SPTLC3: variants seen among roughly 807,000 people sequenced by gnomAD.
SPTLC3 encodes the protein serine palmitoyltransferase 3.
In SPTLC3, 36 loss-of-function variants were observed where a neutral mutation model predicts 59.3. The observed-to-expected ratio is 0.61, with a 90% CI of 0.47 to 0.80. The LOEUF (loss-of-function observed/expected upper bound fraction) is 0.80. Ranked by LOEUF, SPTLC3 falls within the 30% of genes least tolerant of loss-of-function variation. The pLI is 0.00. For missense variants in SPTLC3, 625 were observed against 685.1 expected (o/e 0.91, Z 0.98); for synonymous variants, 257 against 240.8 (o/e 1.07, Z -0.62).
intron 1 of SPTLC3, among the ~76,000 whole-genome samples, chr20:13,028,275 G>A (rs1986256723): frequency 6.6e-6 from 1 of 152,088 alleles, no homozygotes; most frequent in South Asian, 2.1e-4. Context: ...TTTCTCAACA[G>A]GACCAGAAGT....
intron 2 of SPTLC3, among the ~76,000 whole-genome samples, chr20:13,071,415 T>A (rs1424970109): frequency 6.6e-6 from 1 of 152,178 alleles, no homozygotes; most frequent in Non-Finnish European, 1.5e-5. Flanking sequence ...AAAAATTAAT[T>A]TGATGAATCT....
intron 9 of SPTLC3, among the ~76,000 whole-genome samples, chr20:13,132,446 G>A (rs949160879): frequency 6.6e-6 from 1 of 151,964 alleles, no homozygotes; most frequent in African/African-American, 2.4e-5. Flanking sequence ...CAAAGTACTG[G>A]GATTACAGGC....
chr20:13,164,227 T>C, intron 11 of SPTLC3: 2 of 402,648 alleles, frequency 5.0e-6, no homozygotes, highest in Middle Eastern at 3.7e-4. Context: ...TCTCAGTCCC[T>C]GTGAGTTAAG....
chr20:13,060,719 G>C (rs34424433), intron 2 of SPTLC3, among the ~76,000 whole-genome samples: 61,676 of 150,352 alleles, frequency 0.41, 12,675 homozygotes, highest in Middle Eastern at 0.57. Flanking sequence ...CTTTCTGTGT[G>C]TGAGTTGTTT....
intron 2 of SPTLC3, among the ~76,000 whole-genome samples, chr20:13,069,144 C>A (rs145696073): frequency 1.3e-5 from 2 of 152,306 alleles, no homozygotes; most frequent in African/African-American, 4.8e-5. Context: ...TATAGTCTGG[C>A]AACCTGCTGG....
chr20:13,162,158 C>G (rs1422073795), intron 11 of SPTLC3, among the ~76,000 whole-genome samples: 2 of 152,120 alleles, frequency 1.3e-5, no homozygotes, highest in African/African-American at 4.8e-5. Context: ...AGAAAATACC[C>G]TTGAAAATGT....
At chr20:13,150,022 A>C (rs1309117618) in intron 9 of SPTLC3, among the ~76,000 whole-genome samples, 1 of 152,186 alleles carries the variant, frequency 6.6e-6, no homozygotes, top group Non-Finnish European at 1.5e-5. Context: ...AATGATCCGC[A>C]AAAGTGCTGA....
intron 2 of SPTLC3, among the ~76,000 whole-genome samples, chr20:13,071,710 C>G (rs1321215049): frequency 6.6e-6 from 1 of 152,150 alleles, no homozygotes; most frequent in Non-Finnish European, 1.5e-5. Context: ...ATGGATTACA[C>G]TTTATACAGC....
intron 8 of SPTLC3, among the ~76,000 whole-genome samples, chr20:13,120,522 A>G (rs1463450750): frequency 6.6e-6 from 1 of 152,146 alleles, no homozygotes; most frequent in African/African-American, 2.4e-5. Flanking sequence ...CTGGCTCTTA[A>G]CTCTCTTTTT....
intron 1 of SPTLC3, among the ~76,000 whole-genome samples, chr20:13,012,565 A>T (rs898499884): frequency 2.0e-5 from 3 of 152,234 alleles, no homozygotes; most frequent in Non-Finnish European, 4.4e-5. Flanking sequence ...AGTGGTATAG[A>T]TACTAGTACT....
In SPTLC3 at chr20:13,046,463, A is replaced by C. The variant is rs181771130; in HGVS notation, c.118-2482A>C. On this transcript the variant is annotated intron_variant, in intron 1 of 11. Coordinates refer to ENST00000399002, the MANE Select transcript of SPTLC3 (RefSeq NM_018327.4). ...ATAGTTTTCTTTTTCCTCTTCCTTG[A>C]CTTCATATCTAATCAGTAGAAGTTC... Among the ~76,000 whole-genome samples the C allele has an allele frequency of 4.1e-4, 63 of 152,170 alleles. 2 individuals are homozygous for C. The highest frequency in any genetic ancestry group is 3.3e-3 in the South Asian group (16 of 4,806).
intron 9 of SPTLC3, among the ~76,000 whole-genome samples, chr20:13,144,056 TTG>T (rs1049271611): frequency 6.6e-6 from 1 of 152,142 alleles, no homozygotes; most frequent in African/African-American, 2.4e-5. Flanking sequence ...CATCAAAAAA[TTG>T]TGACTCTCAA....
chr20:13,127,916 C>T (rs899934035), intron 9 of SPTLC3, among the ~76,000 whole-genome samples: 3 of 152,028 alleles, frequency 2.0e-5, no homozygotes, highest in Non-Finnish European at 4.4e-5. Context: ...TCTAGGAAGC[C>T]CTTATGGTAT....
At chr20:13,022,583 C>A (rs1027237004) in intron 1 of SPTLC3, among the ~76,000 whole-genome samples, 14 of 152,204 alleles carry the variant, frequency 9.2e-5, no homozygotes, top group Admixed American at 7.8e-4. Context: ...CAGTGTCACA[C>A]CTGGCACCTG....
intron 9 of SPTLC3, among the ~76,000 whole-genome samples, chr20:13,144,529 C>A (rs7263202): frequency 6.6e-6 from 1 of 152,144 alleles, no homozygotes; most frequent in Non-Finnish European, 1.5e-5. Flanking sequence ...ACCTAACGCA[C>A]AAATCTATTG....
chr20:13,141,988 A>G (rs2038394067), intron 9 of SPTLC3, among the ~76,000 whole-genome samples: 1 of 152,216 alleles, frequency 6.6e-6, no homozygotes, highest in South Asian at 2.1e-4. Context: ...TTGTCCAATA[A>G]ATGCAAAATT....
chr20:13,021,433 C>A (rs899040646), intron 1 of SPTLC3, among the ~76,000 whole-genome samples: 1 of 152,098 alleles, frequency 6.6e-6, no homozygotes, highest in African/African-American at 2.4e-5. Flanking sequence ...GACTCCCTTA[C>A]TCTCTGTGTT....
chr20:13,037,211 C>T (rs1411181480), intron 1 of SPTLC3, among the ~76,000 whole-genome samples: 1 of 152,060 alleles, frequency 6.6e-6, no homozygotes, highest in Admixed American at 6.6e-5. Flanking sequence ...ATGGACGTTC[C>T]CTCACTTCCC....
In SPTLC3 at chr20:13,095,488, A is replaced by G. The variant is rs181546267; in HGVS notation, c.826+1911A>G. Among the ~76,000 whole-genome samples, 10 of 152,332 alleles carry G rather than the reference A, an allele frequency of 6.6e-5. No homozygotes were observed. The East Asian group carries it at 1.9e-3, about 29-fold the overall frequency. On this transcript the variant is annotated intron_variant, in intron 6 of 11. Transcript: ENST00000399002. ...CAGTCCAAATATCTGTCATATAGAT[A>G]GATAGGTAGGTAAGCATACATACAT...
Sources: gnomAD v4.1 joint callset for allele counts (sites outside exome capture counted in the v4.1 genomes callset) on GRCh38, gnomAD v4.1.1 for gene constraint, MANE v1.5 for transcripts, NCBI Gene and HGNC (gene_info 2026-07-23, HGNC 2026-07-21) for gene names.